LPP: variants seen among roughly 807,000 people sequenced by gnomAD.
LPP encodes LIM domain containing preferred translocation partner in lipoma.
In LPP, 38 loss-of-function variants were observed where a neutral mutation model predicts 60.4. The ratio of observed to expected loss-of-function variants is 0.63; its 90% CI spans 0.49 to 0.83. The LOEUF (loss-of-function observed/expected upper bound fraction) is 0.83, where lower values mean the gene tolerates loss of function less well. LPP is among the 40% of genes least tolerant of loss of function. The probability of loss-of-function intolerance (pLI) is 0.00; values close to 1 mark genes in which losing one functional copy is unlikely to be tolerated. For missense variants in LPP, 902 were observed against 783.6 expected (o/e 1.15, Z -1.80); for synonymous variants, 328 against 290.8 (o/e 1.13, Z -1.30).
At chr3:188,804,514 G>A (rs1748481089) in intron 9 of LPP, among the ~76,000 whole-genome samples, 1 of 151,572 alleles carries the variant, frequency 6.6e-6, no homozygotes, top group Admixed American at 6.6e-5. Flanking sequence ...ATACAGTCCA[G>A]TACTCACTCT....
At chr3:188,289,343 C>T (rs1459495050) in intron 2 of LPP, among the ~76,000 whole-genome samples, 1 of 152,120 alleles carries the variant, frequency 6.6e-6, no homozygotes, top group Non-Finnish European at 1.5e-5. Context: ...TTGGTTTTGA[C>T]AGAATATTCT....
At chr3:188,619,350 A>C (rs1016991738) in intron 7 of LPP, among the ~76,000 whole-genome samples, 1 of 152,146 alleles carries the variant, frequency 6.6e-6, no homozygotes, top group Non-Finnish European at 1.5e-5. Flanking sequence ...TAATCCTGCT[A>C]CCCACCCCAT....
At chr3:188,758,317 C>T (rs1001599196) in intron 8 of LPP, among the ~76,000 whole-genome samples, 8 of 152,030 alleles carry the variant, frequency 5.3e-5, no homozygotes, top group Non-Finnish European at 1.2e-4. Context: ...CACACCACCA[C>T]GCCCAGCTAT....
intron 7 of LPP, among the ~76,000 whole-genome samples, chr3:188,640,342 G>A (rs1164361836): frequency 7.2e-6 from 1 of 138,948 alleles, no homozygotes; most frequent in East Asian, 2.2e-4. Context: ...CACAGGAAGG[G>A]GAACATCACA....
chr3:188,842,805 C>T (rs1196721665), intron 9 of LPP, among the ~76,000 whole-genome samples: 2 of 151,982 alleles, frequency 1.3e-5, no homozygotes, highest in East Asian at 1.9e-4. Context: ...GATCATGAGT[C>T]GTAGTTTTAG....
In LPP at chr3:188,798,553, C is replaced by G. The variant is rs564404783; in HGVS notation, c.1410+38271C>G. Among the ~76,000 whole-genome samples the G allele has an allele frequency of 2.6e-5, 4 of 152,330 alleles. No individual in the cohort carries two copies. The South Asian group carries it at 8.3e-4, about 32-fold the overall frequency. On this transcript the variant is annotated intron_variant, in intron 9 of 11. Transcript: ENST00000617246. Reference sequence around the variant, plus strand: ...TTCCTCACAGGTCAGGTTTTCAGCTCTAACTGTGTTCATCCTGGTGGCTCT... The same window carrying G: ...TTCCTCACAGGTCAGGTTTTCAGCTGTAACTGTGTTCATCCTGGTGGCTCT...
chr3:188,414,531 A>G (rs772869354), intron 4 of LPP, among the ~76,000 whole-genome samples: 1 of 152,188 alleles, frequency 6.6e-6, no homozygotes, highest in Non-Finnish European at 1.5e-5. Flanking sequence ...TGTTATCCAT[A>G]AGTACTCATG....
chr3:188,495,028 G>A (rs531443810), intron 5 of LPP, among the ~76,000 whole-genome samples: 11 of 109,952 alleles, frequency 1.0e-4, no homozygotes, highest in Middle Eastern at 6.7e-3. Flanking sequence ...GAGTTAACCC[G>A]TGATCCCATC....
intron 2 of LPP, among the ~76,000 whole-genome samples, chr3:188,235,817 A>G (rs1721694284): frequency 6.6e-6 from 1 of 152,132 alleles, no homozygotes; most frequent in Admixed American, 6.5e-5. Flanking sequence ...CTGTTTTTGT[A>G]CTACCAGAAT....
intron 3 of LPP, among the ~76,000 whole-genome samples, chr3:188,353,183 T>C (rs1354508559): frequency 1.3e-5 from 2 of 152,210 alleles, no homozygotes; most frequent in East Asian, 1.9e-4. Context: ...TACAGGGTCC[T>C]CGGGAGCAGA....
At chr3:188,541,922 C>G (rs975002340) in intron 6 of LPP, among the ~76,000 whole-genome samples, 6 of 151,938 alleles carry the variant, frequency 3.9e-5, no homozygotes, top group African/African-American at 1.5e-4. Flanking sequence ...AAAAACAAAA[C>G]AAATAAAAAT....
intron 5 of LPP, 89 bp from the exon 6 acceptor site, chr3:188,524,576 C>T: frequency 2.1e-6 from 3 of 1,398,806 alleles, no homozygotes; most frequent in Non-Finnish European, 2.9e-6. Context: ...AAAACTTGGA[C>T]AAAGCCACAT....
intron 9 of LPP, among the ~76,000 whole-genome samples, chr3:188,764,662 T>C (rs778496477): frequency 6.6e-6 from 1 of 152,168 alleles, no homozygotes; most frequent in Non-Finnish European, 1.5e-5. Flanking sequence ...GCCTTACTCA[T>C]AAGTATAGTT....
intron 7 of LPP, among the ~76,000 whole-genome samples, chr3:188,632,270 G>T (rs1483244626): frequency 6.6e-6 from 1 of 152,084 alleles, no homozygotes; most frequent in African/African-American, 2.4e-5. Context: ...TAACCTAAGT[G>T]GTTACAAATA....
chr3:188,752,642 G>A (rs758469032), intron 8 of LPP, among the ~76,000 whole-genome samples: 10 of 152,136 alleles, frequency 6.6e-5, no homozygotes, highest in Non-Finnish European at 1.3e-4. Context: ...GTTTCATCAA[G>A]GTTGGGAATA....
intron 2 of LPP, among the ~76,000 whole-genome samples, chr3:188,279,632 A>G (rs1401862148): frequency 2.0e-5 from 3 of 152,208 alleles, no homozygotes; most frequent in Non-Finnish European, 4.4e-5. Flanking sequence ...AGCCAAGACC[A>G]TCATTTCTGT....
intron 9 of LPP, among the ~76,000 whole-genome samples, chr3:188,798,330 G>C (rs977223293): frequency 1.3e-5 from 2 of 152,126 alleles, no homozygotes; most frequent in Non-Finnish European, 2.9e-5. Context: ...CTATACTCTT[G>C]ATATTCCTTT....
intron 3 of LPP, among the ~76,000 whole-genome samples, chr3:188,351,787 A>T (rs947468988): frequency 6.6e-6 from 1 of 152,128 alleles, no homozygotes; most frequent in Non-Finnish European, 1.5e-5. Context: ...TGGCTCTTCT[A>T]AGGGATATGG....
intron 1 of LPP, among the ~76,000 whole-genome samples, chr3:188,167,892 T>G (rs1436260246): frequency 1.3e-5 from 2 of 152,224 alleles, no homozygotes; most frequent in Non-Finnish European, 2.9e-5. Flanking sequence ...AACTTGCATT[T>G]GTCTTTGCTA....
Sources: gnomAD v4.1 joint callset for allele counts (sites outside exome capture counted in the v4.1 genomes callset) on GRCh38, gnomAD v4.1.1 for gene constraint, MANE v1.5 for transcripts, NCBI Gene and HGNC (gene_info 2026-07-23, HGNC 2026-07-21) for gene names.